The following FANK1 variants were observed in gnomAD, a reference collection of about 807,000 sequenced individuals.
FANK1 encodes the protein fibronectin type 3 and ankyrin repeat domains protein 1.
In FANK1, 44 loss-of-function variants were observed where a neutral mutation model predicts 45.3. The observed-to-expected ratio is 0.97, with a 90% confidence interval of 0.76 to 1.25. FANK1 has a LOEUF of 1.25. Among genes scored for constraint, FANK1 ranks in the 50% most tolerant of loss-of-function variants. The pLI, the probability that FANK1 is intolerant of heterozygous loss-of-function variation, is 0.00. For missense variants in FANK1, 391 were observed against 424.4 expected, an observed-to-expected ratio of 0.92 and a Z score of 0.69; for synonymous variants, 149 against 152.5, an observed-to-expected ratio of 0.98 and a Z score of 0.17.
At chr10:125,913,354 T>A (rs1424727062) in intron 1 of FANK1, among the ~76,000 whole-genome samples, 1 of 152,126 alleles carries the variant, frequency 6.6e-6, no homozygotes, top group Non-Finnish European at 1.5e-5. Context: ...CCCAAACTCA[T>A]TCTGCATGAC....
intron 1 of FANK1, among the ~76,000 whole-genome samples, chr10:125,975,134 A>C (rs574247058): frequency 6.6e-6 from 1 of 152,216 alleles, no homozygotes; most frequent in Non-Finnish European, 1.5e-5. Flanking sequence ...GCTAAAGATG[A>C]TAGCCTCCAG....
chr10:125,898,201 A>G (rs1944738331), intron 1 of FANK1, among the ~76,000 whole-genome samples: 1 of 152,138 alleles, frequency 6.6e-6, no homozygotes, highest in South Asian at 2.1e-4. Flanking sequence ...AACAAAAAAA[A>G]GAACTTTATT....
At chr10:125,958,096 TACTGTTA>T (rs1949695537) in intron 1 of FANK1, among the ~76,000 whole-genome samples, 1 of 152,106 alleles carries the variant, frequency 6.6e-6, no homozygotes, top group Admixed American at 6.5e-5. Flanking sequence ...AACTATGTAT[TACTGTTA>T]ACTATAGTCA....
In FANK1 at chr10:126,008,435, G is replaced by A; in HGVS notation, c.734G>A (p.Trp245Ter). Residue 245 changes from tryptophan (W) to a stop codon, truncating the protein, a stop_gained, in exon 8 of 11, where the codon TGG becomes TAG. Transcript: ENST00000368693. LOFTEE classifies it high-confidence loss of function. ...GACGTCGTGGACACTGGTTCAGGAT[G>A]GACCCCACTCATGAGAGTCTCTGCG... is the stretch of plus-strand genomic sequence containing the variant. ...EVDVVDTGSGWTPLMRVSAVS... is the reference protein window; with the variant it reads ...EVDVVDTGSG The A allele has an allele frequency of 6.2e-7, 1 of 1,611,884 alleles. No individual in the cohort carries two copies. The highest frequency in any genetic ancestry group is 8.5e-7 in the Non-Finnish European group (1 of 1,178,942).
intron 1 of FANK1, among the ~76,000 whole-genome samples, chr10:125,946,440 C>T (rs1483332890): frequency 1.3e-5 from 2 of 151,422 alleles, no homozygotes; most frequent in Non-Finnish European, 1.5e-5. Flanking sequence ...AAAACCAAGG[C>T]TCGAGAACTA....
chr10:125,946,636 T>A (rs1234495666), intron 1 of FANK1, among the ~76,000 whole-genome samples: 5 of 150,568 alleles, frequency 3.3e-5, no homozygotes, highest in African/African-American at 1.2e-4. Flanking sequence ...GTCTGATTGG[T>A]GTACCTGAAA....
chr10:125,949,796 C>T (rs1249099154), intron 1 of FANK1, among the ~76,000 whole-genome samples: 1 of 149,950 alleles, frequency 6.7e-6, no homozygotes, highest in Admixed American at 6.7e-5. Context: ...AAAAAAGAGC[C>T]TGCATCGCCA....
chr10:125,949,267 A>C (rs1433364739), intron 1 of FANK1, among the ~76,000 whole-genome samples: 1 of 150,342 alleles, frequency 6.7e-6, no homozygotes, highest in Non-Finnish European at 1.5e-5. Flanking sequence ...AGTTCTGGCC[A>C]GGGCAATTAG....
intron 2 of FANK1, among the ~76,000 whole-genome samples, chr10:125,984,674 G>T (rs549572003): frequency 6.6e-6 from 1 of 152,308 alleles, no homozygotes; most frequent in Non-Finnish European, 1.5e-5. Context: ...GAATTCTGGG[G>T]GAGGGAGTTT....
In FANK1 at chr10:125,914,280, C is replaced by CATATATATATATATATATATAT. The variant is rs572373307; in HGVS notation, c.13+17637_13+17638insATATATATATATATATATATAT. 1.3e-3 allele frequency among the ~76,000 whole-genome samples: 176 copies of CATATATATATATATATATATAT among 140,334 alleles called. 3 individuals are homozygous for CATATATATATATATATATATAT. Among genetic ancestry groups the CATATATATATATATATATATAT allele is most frequent in the African/African-American group, 3.7e-3 (127 of 34,578 alleles). 92.1% of individuals were successfully genotyped at this position (140,334 alleles called of 152,430 possible). Reference sequence around the variant, plus strand: ...GCTCCAGCTCAGCATCTTTGTATGCCATATATATATATTTAAAAAGTCTCA... The same window carrying CATATATATATATATATATATAT: ...GCTCCAGCTCAGCATCTTTGTATGCCATATATATATATATATATATATATATATATATATTTAAAAAGTCTCA... On this transcript the variant is annotated intron_variant, in intron 1 of 10. Coordinates refer to ENST00000368693, the MANE Select transcript of FANK1 (RefSeq NM_145235.5).
intron 1 of FANK1, among the ~76,000 whole-genome samples, chr10:125,910,901 G>A (rs921985487): frequency 3.3e-5 from 5 of 152,078 alleles, no homozygotes; most frequent in Admixed American, 6.5e-5. Flanking sequence ...GGGTGTGGTG[G>A]CATGTGCCTG....
At chr10:125,966,085 T>C (rs1334728013) in intron 1 of FANK1, among the ~76,000 whole-genome samples, 1 of 152,204 alleles carries the variant, frequency 6.6e-6, no homozygotes, top group African/African-American at 2.4e-5. Flanking sequence ...TGTTTCCCCA[T>C]TACTACTCTA....
rs576761784 is a variant in FANK1, at chr10:125,912,574, A to G, written c.13+15919A>G. On this transcript the variant is annotated intron_variant, in intron 1 of 10. Transcript: ENST00000368693. Reference sequence around the variant, plus strand: ...CATTGCTTTTTAAATATCCTGGTTAATAATTTACACCCTTGGTTAAAATAT... The same window carrying G: ...CATTGCTTTTTAAATATCCTGGTTAGTAATTTACACCCTTGGTTAAAATAT... 1.3e-4 allele frequency among the ~76,000 whole-genome samples: 20 copies of G among 152,274 alleles called. No homozygotes were observed. In the East Asian group the frequency reaches 1.5e-3, roughly 12 times the overall value.
At chr10:125,907,492 A>G in intron 1 of FANK1, 1 of 985,350 alleles carries the variant, frequency 1.0e-6, no homozygotes, top group Non-Finnish European at 1.2e-6. Context: ...TTTGGATGAA[A>G]TCGAGTGAAC....
At chr10:125,971,054 A>G (rs1433430443) in intron 1 of FANK1, among the ~76,000 whole-genome samples, 1 of 152,216 alleles carries the variant, frequency 6.6e-6, no homozygotes, top group Non-Finnish European at 1.5e-5. Flanking sequence ...ATTTACAAAT[A>G]GACTTGTTCA....
chr10:125,970,352 G>A (rs976862302), intron 1 of FANK1, among the ~76,000 whole-genome samples: 68 of 151,910 alleles, frequency 4.5e-4, no homozygotes, highest in African/African-American at 1.5e-3. Context: ...CAGATGGGGC[G>A]GCCGGGCAGA....
intron 1 of FANK1, among the ~76,000 whole-genome samples, chr10:125,976,924 T>C (rs1296295845): frequency 1.3e-5 from 2 of 152,110 alleles, no homozygotes; most frequent in African/African-American, 4.8e-5. Flanking sequence ...TGCCCGGTCA[T>C]AAAATTATCA....
intron 1 of FANK1, among the ~76,000 whole-genome samples, chr10:125,938,521 G>A (rs1481863180): frequency 1.3e-5 from 2 of 152,288 alleles, no homozygotes; most frequent in East Asian, 1.9e-4. Flanking sequence ...AAACATCTCT[G>A]GGGAGTGGCT....
At chr10:125,935,836 A>G (rs1025731678) in intron 1 of FANK1, among the ~76,000 whole-genome samples, 3 of 152,238 alleles carry the variant, frequency 2.0e-5, no homozygotes, top group Non-Finnish European at 2.9e-5. Context: ...AAGTCTTTCT[A>G]TTAATATAGT....
Sources: gnomAD v4.1 joint callset for allele counts (sites outside exome capture counted in the v4.1 genomes callset) on GRCh38, gnomAD v4.1.1 for gene constraint, MANE v1.5 for transcripts, NCBI Gene and HGNC (gene_info 2026-07-23, HGNC 2026-07-21) for gene names.